Variants in GNAQ observed in about 807,000 individuals in gnomAD.
The protein encoded by GNAQ is guanine nucleotide-binding protein G(q) subunit alpha.
In GNAQ, 8 loss-of-function variants were observed where a neutral mutation model predicts 43.9. The ratio of observed to expected loss-of-function variants is 0.18; its 90% CI spans 0.11 to 0.33. The LOEUF (loss-of-function observed/expected upper bound fraction) is 0.33, where lower values mean the gene tolerates loss of function less well. Ranked by LOEUF, GNAQ falls within the 10% of genes least tolerant of loss-of-function variation. The pLI, the probability that GNAQ is intolerant of heterozygous loss-of-function variation, is 1.00. For missense variants in GNAQ, 158 were observed against 450.8 expected (o/e 0.35, Z 5.88); for synonymous variants, 155 against 170.7 (o/e 0.91, Z 0.71).
chr9:77,948,662 C>G (rs1822936432), intron 1 of GNAQ, among the ~76,000 whole-genome samples: 1 of 152,170 alleles, frequency 6.6e-6, no homozygotes, highest in African/African-American at 2.4e-5. Context: ...TTCGTTAGGC[C>G]CAAATCATGC....
At chr9:77,913,728 G>A (rs1399886369) in intron 2 of GNAQ, among the ~76,000 whole-genome samples, 1 of 152,148 alleles carries the variant, frequency 6.6e-6, no homozygotes, top group Non-Finnish European at 1.5e-5. Flanking sequence ...AGTCAGGATA[G>A]TGGTCATCCT....
chr9:78,016,484 G>T (rs1823839811), intron 1 of GNAQ, among the ~76,000 whole-genome samples: 1 of 152,108 alleles, frequency 6.6e-6, no homozygotes, highest in South Asian at 2.1e-4. Context: ...AGGAGATCGA[G>T]ACCATCCTGG....
At chr9:77,799,765 C>T (rs1240935012) in intron 3 of GNAQ, among the ~76,000 whole-genome samples, 1 of 152,156 alleles carries the variant, frequency 6.6e-6, no homozygotes, top group Non-Finnish European at 1.5e-5. Flanking sequence ...CCCAGAAATT[C>T]CTATTGCATA....
At chr9:77,883,985 G>A (rs1828260311) in intron 2 of GNAQ, among the ~76,000 whole-genome samples, 1 of 152,208 alleles carries the variant, frequency 6.6e-6, no homozygotes, top group Non-Finnish European at 1.5e-5. Flanking sequence ...ACAAGAGGAT[G>A]TCTTTGACCA....
chr9:77,854,981 A>G (rs1264738157), intron 2 of GNAQ, among the ~76,000 whole-genome samples: 2 of 152,230 alleles, frequency 1.3e-5, no homozygotes, highest in Non-Finnish European at 2.9e-5. Flanking sequence ...GGAGAAGAGA[A>G]TATTTAATAA....
chr9:77,744,004 AG>A (rs1393219907), intron 5 of GNAQ, among the ~76,000 whole-genome samples: 4 of 152,254 alleles, frequency 2.6e-5, no homozygotes, highest in African/African-American at 9.6e-5. Flanking sequence ...TCAGAGTGCA[AG>A]GAAGAAATCA....
At chr9:77,996,966 A>G (rs960980429) in intron 1 of GNAQ, among the ~76,000 whole-genome samples, 6 of 152,088 alleles carry the variant, frequency 3.9e-5, no homozygotes, top group Admixed American at 2.6e-4. Context: ...AGTATTTACT[A>G]CTCCTAGGCC....
intron 5 of GNAQ, among the ~76,000 whole-genome samples, chr9:77,771,543 G>A (rs1195067800): frequency 6.6e-6 from 1 of 152,180 alleles, no homozygotes; most frequent in Non-Finnish European, 1.5e-5. Flanking sequence ...CGAAGACAAG[G>A]ATGTCTGCAG....
chr9:77,876,172 T>G (rs1010891962), intron 2 of GNAQ, among the ~76,000 whole-genome samples: 1 of 152,218 alleles, frequency 6.6e-6, no homozygotes, highest in Non-Finnish European at 1.5e-5. Context: ...GGCACCAGGA[T>G]TCCACAAAGC....
intron 1 of GNAQ, among the ~76,000 whole-genome samples, chr9:78,030,823 G>A (rs1824043952): frequency 1.3e-5 from 2 of 152,098 alleles, no homozygotes; most frequent in Non-Finnish European, 2.9e-5. Flanking sequence ...TCAGGGACAC[G>A]AAAAGGAACA....
intron 5 of GNAQ, among the ~76,000 whole-genome samples, chr9:77,761,295 G>A (rs1345282137): frequency 4.6e-5 from 6 of 130,810 alleles, no homozygotes; most frequent in African/African-American, 2.9e-5. Context: ...CCCCCCGCCT[G>A]GCCAGCCGCC....
At position 78,015,257 on chromosome 9, in the gene GNAQ, C is replaced by T. The variant is rs532912929; in HGVS notation, c.136+15843G>A. Among the ~76,000 whole-genome samples the T allele has an allele frequency of 2.7e-3, 410 of 152,318 alleles. 4 individuals carry two copies. The highest frequency in any genetic ancestry group is 9.6e-3 in the African/African-American group (398 of 41,580). ...AGGTTTGCAGCCTGGGAACAATAGG[C>T]TTTACCACATAGCCTATATGTGTGT... On this transcript the variant is annotated intron_variant, in intron 1 of 6. Transcript: ENST00000286548.
chr9:78,008,255 T>A (rs1480361477), intron 1 of GNAQ, among the ~76,000 whole-genome samples: 2 of 152,188 alleles, frequency 1.3e-5, no homozygotes. Flanking sequence ...CTGTTAAAAG[T>A]TCCACAAAAA....
intron 2 of GNAQ, among the ~76,000 whole-genome samples, chr9:77,859,503 T>A (rs912203698): frequency 6.6e-6 from 1 of 152,130 alleles, no homozygotes; most frequent in Non-Finnish European, 1.5e-5. Flanking sequence ...AACCTGAAAA[T>A]ATGATTTAAA....
chr9:77,730,918 TTAGA>T (rs1279961981), intron 5 of GNAQ, among the ~76,000 whole-genome samples: 1 of 152,162 alleles, frequency 6.6e-6, no homozygotes, highest in Non-Finnish European at 1.5e-5. Flanking sequence ...AGAAAGTTAA[TTAGA>T]TAGTGACATC....
chr9:77,840,677 T>C (rs1351947741), intron 2 of GNAQ, among the ~76,000 whole-genome samples: 1 of 152,152 alleles, frequency 6.6e-6, no homozygotes, highest in Non-Finnish European at 1.5e-5. Context: ...TGTTTGGTCT[T>C]ACATCTGAAT....
At chr9:77,900,417 T>G (rs1207639788) in intron 2 of GNAQ, among the ~76,000 whole-genome samples, 2 of 152,212 alleles carry the variant, frequency 1.3e-5, no homozygotes, top group African/African-American at 2.4e-5. Context: ...TTCTCCATTT[T>G]CATGGAAAAC....
chr9:77,723,413 A>C (rs1481258831), intron 6 of GNAQ, among the ~76,000 whole-genome samples: 1 of 152,246 alleles, frequency 6.6e-6, no homozygotes, highest in Non-Finnish European at 1.5e-5. Flanking sequence ...AGGAATTGAG[A>C]GCAGGGGCTC....
chr9:77,847,928 G>A (rs779037527), intron 2 of GNAQ, among the ~76,000 whole-genome samples: 1 of 152,210 alleles, frequency 6.6e-6, no homozygotes, highest in Non-Finnish European at 1.5e-5. Context: ...CTCTATGGTA[G>A]CAGCAGACCT....
Sources: allele counts gnomAD v4.1 joint callset (sites outside exome capture counted in the v4.1 genomes callset), GRCh38; gene constraint gnomAD v4.1.1; transcripts MANE v1.5; gene names NCBI Gene and HGNC (gene_info 2026-07-23, HGNC 2026-07-21).